DPP10: variants seen among roughly 807,000 people sequenced by gnomAD.
The protein encoded by DPP10 is dipeptidyl peptidase like 10, also known as inactive dipeptidyl peptidase 10.
DPP10 carries 33 observed loss-of-function variants against 120.9 expected under a neutral mutation model. That is an observed-to-expected ratio of 0.27 (90% CI 0.21 to 0.37). The LOEUF is 0.37. Ranked by LOEUF, DPP10 falls within the 10% of genes least tolerant of loss-of-function variation. DPP10 has a pLI of 1.00. For synonymous variants in DPP10, 337 were observed against 326.1 expected, an observed-to-expected ratio of 1.03 and a Z score of -0.36; for missense variants, 816 against 942.8, an observed-to-expected ratio of 0.87 and a Z score of 1.76.
chr2:115,489,467 G>A (rs748287915), intron 3 of DPP10, among the ~76,000 whole-genome samples: 28 of 151,886 alleles, frequency 1.8e-4, no homozygotes, highest in Non-Finnish European at 2.5e-4. Flanking sequence ...TGGAATTTAA[G>A]CACAACTGAC....
At chr2:115,122,314 A>G (rs1306119848) in intron 1 of DPP10, among the ~76,000 whole-genome samples, 1 of 152,204 alleles carries the variant, frequency 6.6e-6, no homozygotes, top group Admixed American at 6.5e-5. Flanking sequence ...GATCAGAGTG[A>G]ACAGGGTTTC....
rs985960899 is a variant in DPP10 at position 114,730,037 on chromosome 2, C to G, written c.60+287199C>G. Among the ~76,000 whole-genome samples, 14 of 151,968 alleles carry G rather than the reference C, an allele frequency of 9.2e-5. 1 individual carries two copies. In the East Asian group the frequency reaches 9.7e-4, roughly 10 times the overall value. On this transcript the variant is annotated intron_variant, in intron 1 of 25. Transcript: ENST00000410059. ...TGTGTCGTTCTATCAGACAAATTTA[C>G]AAGTTATTAAAGAGAAATAAAACTT...
intron 1 of DPP10, among the ~76,000 whole-genome samples, chr2:114,994,982 C>T (rs914797572): frequency 6.6e-6 from 1 of 152,200 alleles, no homozygotes; most frequent in Non-Finnish European, 1.5e-5. Flanking sequence ...CTACAATGTT[C>T]CTTCACGGTG....
chr2:115,631,037 CTTTTTTTTTTTT>C (rs58468918), intron 5 of DPP10, among the ~76,000 whole-genome samples: 2 of 111,356 alleles, frequency 1.8e-5, no homozygotes, highest in Non-Finnish European at 3.3e-5. Context: ...TGATCCTGGG[CTTTTTTTTTTTT>C]TTTTTTTTTT....
chr2:114,543,515 G>A (rs1489170550), intron 1 of DPP10, among the ~76,000 whole-genome samples: 6 of 152,144 alleles, frequency 3.9e-5, no homozygotes, highest in East Asian at 1.9e-4. Flanking sequence ...GCTTCACGCC[G>A]CCTCCTGGTG....
chr2:115,114,853 C>T (rs1024321507), intron 1 of DPP10, among the ~76,000 whole-genome samples: 9 of 152,184 alleles, frequency 5.9e-5, no homozygotes, highest in African/African-American at 1.9e-4. Context: ...AGAAGTATAG[C>T]ATTAACACGT....
chr2:115,221,490 A>C (rs1192929825), intron 1 of DPP10, among the ~76,000 whole-genome samples: 1 of 152,124 alleles, frequency 6.6e-6, no homozygotes, highest in Admixed American at 6.6e-5. Context: ...GAGAAAAGAG[A>C]GTTAATAATA....
At chr2:115,685,335 C>T (rs778547768) in intron 5 of DPP10, among the ~76,000 whole-genome samples, 29 of 151,900 alleles carry the variant, frequency 1.9e-4, no homozygotes, top group African/African-American at 3.1e-4. Context: ...ATTTCTATGA[C>T]GTACTCATAA....
chr2:115,579,818 A>T (rs554346514), intron 5 of DPP10: 1 of 152,228 alleles, frequency 6.6e-6, no homozygotes, highest in Admixed American at 6.5e-5. Flanking sequence ...AATTAATTTT[A>T]ATTTTTGTTT....
intron 1 of DPP10, among the ~76,000 whole-genome samples, chr2:114,848,841 G>C (rs555104765): frequency 6.6e-6 from 1 of 152,232 alleles, no homozygotes; most frequent in African/African-American, 2.4e-5. Context: ...GCTTACACTG[G>C]GTGGCTTATA....
intron 1 of DPP10, among the ~76,000 whole-genome samples, chr2:114,585,473 A>G (rs1690884859): frequency 6.6e-6 from 1 of 152,162 alleles, no homozygotes; most frequent in Non-Finnish European, 1.5e-5. Context: ...TGGACTTTTA[A>G]TATCATTTGC....
intron 1 of DPP10, among the ~76,000 whole-genome samples, chr2:114,655,351 C>T (rs1036332369): frequency 2.6e-5 from 4 of 152,094 alleles, no homozygotes; most frequent in Admixed American, 2.0e-4. Context: ...AAACGTGTGG[C>T]GTTTAAAGAA....
chr2:115,127,217 T>A (rs1277098913), intron 1 of DPP10, among the ~76,000 whole-genome samples: 1 of 152,186 alleles, frequency 6.6e-6, no homozygotes, highest in Non-Finnish European at 1.5e-5. Flanking sequence ...AACTGTAGAG[T>A]CCTGTGTGTG....
chr2:114,465,918 G>A (rs1261800948), intron 1 of DPP10, among the ~76,000 whole-genome samples: 1 of 152,106 alleles, frequency 6.6e-6, no homozygotes, highest in Admixed American at 6.6e-5. Flanking sequence ...CACCTACAGT[G>A]GTATAGAATG....
chr2:115,430,849 G>A (rs544430986), intron 3 of DPP10, among the ~76,000 whole-genome samples: 1 of 152,288 alleles, frequency 6.6e-6, no homozygotes, highest in East Asian at 1.9e-4. Flanking sequence ...TACATTCATA[G>A]TATTTGACAA....
rs528614826 is a variant in DPP10 at position 115,049,421 on chromosome 2, A to G, written c.61-259818A>G. ...CTCCAGTTTCTGTTTTACTACCAAAACGATCTACTTTATAGCCTTTCATTT... is the reference window on the plus strand; with the variant it reads ...CTCCAGTTTCTGTTTTACTACCAAAGCGATCTACTTTATAGCCTTTCATTT... On this transcript the variant is annotated intron_variant, in intron 1 of 25. Transcript: ENST00000410059. Among the ~76,000 whole-genome samples the G allele has an allele frequency of 5.9e-5, 9 of 152,248 alleles. No individual in the cohort carries two copies. The South Asian group carries it at 1.9e-3, about 32-fold the overall frequency.
At chr2:115,489,308 A>G (rs1306682681) in intron 3 of DPP10, among the ~76,000 whole-genome samples, 1 of 151,766 alleles carries the variant, frequency 6.6e-6, no homozygotes, top group Non-Finnish European at 1.5e-5. Flanking sequence ...GATCTAGTAT[A>G]CTGTAAACCA....
chr2:115,334,681 A>G (rs867856967), intron 2 of DPP10, among the ~76,000 whole-genome samples: 4 of 152,114 alleles, frequency 2.6e-5, no homozygotes, highest in Middle Eastern at 6.8e-3. Flanking sequence ...GAGAACAACT[A>G]TGAAAGAGAT....
intron 1 of DPP10, among the ~76,000 whole-genome samples, chr2:114,615,187 G>T (rs1384988491): frequency 6.6e-6 from 1 of 151,878 alleles, no homozygotes; most frequent in East Asian, 1.9e-4. Flanking sequence ...TATTTTCTAA[G>T]TAAAGAATAA....
Sources: allele counts gnomAD v4.1 joint callset (sites outside exome capture counted in the v4.1 genomes callset), GRCh38; gene constraint gnomAD v4.1.1; transcripts MANE v1.5; gene names NCBI Gene and HGNC (gene_info 2026-07-23, HGNC 2026-07-21).